Variants in AFG2A observed in about 807,000 individuals in gnomAD.
The protein encoded by AFG2A is ATPase family gene 2 protein homolog A.
chr4:122,974,866 T>C, the AFG2A span, among the ~76,000 whole-genome samples: 36 of 152,014 alleles, frequency 2.4e-4, no homozygotes, highest in Non-Finnish European at 5.1e-4. Context: ...TCTCGAACTC[T>C]TGATCTCAGG....
At chr4:123,057,220 A>G in the AFG2A span, 6 of 1,613,932 alleles carry the variant, frequency 3.7e-6, no homozygotes, top group Non-Finnish European at 5.1e-6. Context: ...CCTTCCGAAA[A>G]GCAAGAGCAG....
the AFG2A span, among the ~76,000 whole-genome samples, chr4:123,126,157 T>C: frequency 6.6e-6 from 1 of 152,228 alleles, no homozygotes; most frequent in Non-Finnish European, 1.5e-5. Context: ...CAATTATGTC[T>C]TCTGGTAGTC....
chr4:122,999,276 G>A, the AFG2A span, among the ~76,000 whole-genome samples: 13 of 152,080 alleles, frequency 8.5e-5, no homozygotes, highest in African/African-American at 3.1e-4. Flanking sequence ...CACTCTGCTG[G>A]TAATTTCTTT....
At chr4:123,088,819 T>C in the AFG2A span, among the ~76,000 whole-genome samples, 1 of 152,212 alleles carries the variant, frequency 6.6e-6, no homozygotes, top group Non-Finnish European at 1.5e-5. Context: ...ATGCTTGCTG[T>C]TAAGTGGAAC....
At chr4:122,962,017 C>T in the AFG2A span, among the ~76,000 whole-genome samples, 1,775 of 152,264 alleles carry the variant, frequency 0.012, 15 homozygotes, top group Middle Eastern at 0.078. Flanking sequence ...GGATGATATC[C>T]GGATGAAACT....
At chr4:123,127,461 T>G in the AFG2A span, among the ~76,000 whole-genome samples, 1 of 152,212 alleles carries the variant, frequency 6.6e-6, no homozygotes, top group Non-Finnish European at 1.5e-5. Context: ...AGCTGTACTT[T>G]ATATAATCAG....
the AFG2A span, among the ~76,000 whole-genome samples, chr4:123,254,521 T>C: frequency 0.022 from 3,337 of 152,326 alleles, 62 homozygotes; most frequent in Non-Finnish European, 0.035. Flanking sequence ...CAATTTGTTC[T>C]TTTTAGAAGT....
the AFG2A span, among the ~76,000 whole-genome samples, chr4:122,976,346 C>T: frequency 6.6e-6 from 1 of 152,214 alleles, no homozygotes; most frequent in African/African-American, 2.4e-5. Context: ...GACATTCACT[C>T]TTGTCAATGT....
chr4:123,299,519 T>C, the AFG2A span, among the ~76,000 whole-genome samples: 2 of 152,208 alleles, frequency 1.3e-5, no homozygotes, highest in Non-Finnish European at 2.9e-5. Context: ...TTATCATTCA[T>C]AGTAGAGAGT....
the AFG2A span, among the ~76,000 whole-genome samples, chr4:123,217,472 G>GA: frequency 0.023 from 3,540 of 152,282 alleles, 71 homozygotes; most frequent in African/African-American, 0.055. Context: ...AGGAAAGAGG[G>GA]AATGTCTCTT....
chr4:123,038,511 T>C, the AFG2A span, among the ~76,000 whole-genome samples: 1 of 152,060 alleles, frequency 6.6e-6, no homozygotes, highest in Non-Finnish European at 1.5e-5. Context: ...CAAAATACAG[T>C]GATTTTTGGC....
At chr4:123,143,397 C>T in the AFG2A span, among the ~76,000 whole-genome samples, 2 of 152,050 alleles carry the variant, frequency 1.3e-5, no homozygotes, top group Non-Finnish European at 2.9e-5. Context: ...TCTACTTTCT[C>T]TTTCACAATT....
the AFG2A span, among the ~76,000 whole-genome samples, chr4:123,016,851 A>G: frequency 6.6e-6 from 1 of 152,166 alleles, no homozygotes; most frequent in African/African-American, 2.4e-5. Flanking sequence ...TGAGTGAACC[A>G]GACTCCGTCT....
chr4:123,165,343 G>A, the AFG2A span, among the ~76,000 whole-genome samples: 8 of 152,042 alleles, frequency 5.3e-5, no homozygotes, highest in Non-Finnish European at 1.0e-4. Context: ...TTATTGAATC[G>A]TATGCTTAAA....
At chr4:123,016,148 TG>T in the AFG2A span, among the ~76,000 whole-genome samples, 1 of 18,872 alleles carries the variant, frequency 5.3e-5, no homozygotes, top group African/African-American at 1.5e-4. Context: ...ACGGGGTGGC[TG>T]GCCGGGCGAG....
chr4:123,120,369 G>A, the AFG2A span, among the ~76,000 whole-genome samples: 1 of 151,824 alleles, frequency 6.6e-6, no homozygotes, highest in Non-Finnish European at 1.5e-5. Context: ...ATAATTAAGG[G>A]CTAAAAAAAA....
the AFG2A span, chr4:123,316,796 T>TATTATAGA: frequency 7.2e-5 from 11 of 152,316 alleles, no homozygotes; most frequent in African/African-American, 1.9e-4. Flanking sequence ...CTGCACATAA[T>TATTATAGA]GCTCAAGCTC....
the AFG2A span, among the ~76,000 whole-genome samples, chr4:123,225,024 T>A: frequency 6.6e-6 from 1 of 152,258 alleles, no homozygotes; most frequent in African/African-American, 2.4e-5. Context: ...GAGAAGTGTC[T>A]GTTCATATCC....
the AFG2A span, among the ~76,000 whole-genome samples, chr4:123,084,110 T>A: frequency 9.9e-5 from 15 of 152,252 alleles, no homozygotes; most frequent in Non-Finnish European, 1.8e-4. Context: ...GTCTTAGTTT[T>A]TTAAAATTAT....
Sources: gnomAD v4.1 joint callset for allele counts (sites outside exome capture counted in the v4.1 genomes callset) on GRCh38, gnomAD v4.1.1 for gene constraint, MANE v1.5 for transcripts, NCBI Gene and HGNC (gene_info 2026-07-23, HGNC 2026-07-21) for gene names.